Variants in MAST2 observed in about 807,000 individuals in gnomAD.
The protein encoded by MAST2 is microtubule associated serine/threonine kinase 2, also known as microtubule-associated serine/threonine-protein kinase 2.
A neutral mutation model predicts 147.4 loss-of-function variants in MAST2; 70 were observed. That is an observed-to-expected ratio of 0.47 (90% CI 0.39 to 0.58). The LOEUF is 0.58. Ranked by LOEUF, MAST2 falls within the 20% of genes least tolerant of loss-of-function variation. MAST2 has a pLI of 0.00. For missense variants in MAST2, 2,080 were observed against 2,302.3 expected (o/e 0.90, Z 1.98); for synonymous variants, 869 against 896.8 (o/e 0.97, Z 0.55).
In MAST2 at chr1:46,034,168, C is replaced by A; in HGVS notation, c.3770C>A (p.Ser1257Ter). The A allele has an allele frequency of 1.2e-6, 2 of 1,614,150 alleles. No individual in the cohort carries two copies. The highest frequency in any genetic ancestry group is 1.7e-6 in the Non-Finnish European group (2 of 1,180,010). The change falls in exon 28 of 29, where the codon TCA (serine) becomes TAA (stop). Residue 1257 changes from serine to a stop codon, truncating the protein, a stop_gained. Coordinates refer to ENST00000361297, the MANE Select transcript of MAST2 (RefSeq NM_015112.3). LOFTEE classifies it high-confidence loss of function. ...TCTTCCCTTAACCGCTCCTTGTCAT[C>A]AGGGGAGAGTGGGCCAGGCTCTCCC... ...SLSSLNRSLS[S>*]GESGPGSPTH...
In MAST2 at chr1:45,933,063, T is replaced by TAAAAAAAA. The variant is rs61544126; in HGVS notation, c.501-26305_501-26298dup. On this transcript the variant is annotated intron_variant, in intron 4 of 28. Transcript: ENST00000361297. ...GCAACTTAGTGAGACCCCATTTCTT[T>TAAAAAAAA]AAAAAAAAAAAAAAAAAAAAAAAAA... Among the ~76,000 whole-genome samples, 9 of 88,254 alleles carry TAAAAAAAA rather than the reference T, an allele frequency of 1.0e-4. 1 individual carries two copies. The highest frequency in any genetic ancestry group is 4.1e-4 in the African/African-American group (9 of 21,946). The allele number at this position is 88,254 out of a possible 152,430, so 57.9% of individuals were successfully genotyped here.
Position 46,010,904 on chromosome 1 carries a change from G to T in MAST2, c.1153G>T (p.Glu385Ter). The T allele has an allele frequency of 6.2e-7, 1 of 1,614,146 alleles. No individual in the cohort carries two copies. The highest frequency in any genetic ancestry group is 1.1e-5 in the South Asian group (1 of 91,074). The change falls in exon 10 of 29, where the codon GAA (glutamate) becomes TAA (stop). Residue 385 changes from glutamate (E) to a stop codon, truncating the protein, a stop_gained. Transcript: ENST00000361297. LOFTEE classifies it high-confidence loss of function. ...SGLITSQYFY[E>*]LQDNLEKLLQ... ...CCTCATTACATCACAATACTTCTACGAACTTCAAGATAATTTGGAGAAACT... is the reference window on the plus strand; with the variant it reads ...CCTCATTACATCACAATACTTCTACTAACTTCAAGATAATTTGGAGAAACT...
intron 3 of MAST2, among the ~76,000 whole-genome samples, chr1:45,864,310 G>T (rs1646072903): frequency 6.6e-6 from 1 of 152,164 alleles, no homozygotes; most frequent in South Asian, 2.1e-4. Context: ...ATTTGTCCAT[G>T]CTCAGAACTC....
chr1:45,808,874 G>A (rs1644213942), intron 1 of MAST2, among the ~76,000 whole-genome samples: 1 of 151,960 alleles, frequency 6.6e-6, no homozygotes, highest in African/African-American at 2.4e-5. Context: ...TGGCATTCAA[G>A]ATCTACTTGA....
intron 10 of MAST2, among the ~76,000 whole-genome samples, chr1:46,016,335 A>G (rs1257146304): frequency 4.6e-5 from 7 of 151,804 alleles, no homozygotes; most frequent in Non-Finnish European, 1.0e-4. Flanking sequence ...GGCCAGGGCA[A>G]TGAGGCAGGA....
In MAST2 at chr1:46,033,842, A is replaced by C; in HGVS notation, c.3578A>C (p.Asn1193Thr). 6.2e-7 allele frequency: 1 copy of C among 1,614,210 alleles called. No homozygotes were observed. The highest frequency in any genetic ancestry group is 1.3e-5 in the African/African-American group (1 of 75,060). ...KVAISTTPLE[N>T]TSIKVGPARK... ...GCCATTTCAACAACTCCCCTGGAGA[A>C]CACATCCATTAAAGTGGGGCCAGCT... Residue 1193 changes from asparagine to threonine, a missense_variant, in exon 27 of 29, where the codon AAC (asparagine) becomes ACC (threonine). Transcript: ENST00000361297.
At chr1:45,984,895 T>C (rs1644551725) in intron 5 of MAST2, among the ~76,000 whole-genome samples, 1 of 152,076 alleles carries the variant, frequency 6.6e-6, no homozygotes, top group Non-Finnish European at 1.5e-5. Context: ...TACATAAATA[T>C]GAGCTATCTT....
intron 2 of MAST2, among the ~76,000 whole-genome samples, chr1:45,825,776 A>G (rs1644773014): frequency 6.6e-6 from 1 of 150,910 alleles, no homozygotes; most frequent in South Asian, 2.1e-4. Context: ...AGTAAATTAG[A>G]TTTTTTATTT....
chr1:45,965,679 G>T (rs1661083781), intron 5 of MAST2, among the ~76,000 whole-genome samples: 1 of 151,774 alleles, frequency 6.6e-6, no homozygotes, highest in South Asian at 2.1e-4. Context: ...AGTTCAGTAG[G>T]TACATACCCA....
At chr1:45,957,340 C>T (rs1295193139) in intron 4 of MAST2, among the ~76,000 whole-genome samples, 3 of 152,256 alleles carry the variant, frequency 2.0e-5, no homozygotes, top group Middle Eastern at 3.4e-3. Flanking sequence ...TTTGTAGTTT[C>T]GGGCTTTCAC....
intron 1 of MAST2, among the ~76,000 whole-genome samples, chr1:45,805,495 A>G (rs1479992683): frequency 6.6e-6 from 1 of 152,046 alleles, no homozygotes; most frequent in African/African-American, 2.4e-5. Context: ...TTACTCCCCC[A>G]TGTGCCTAAT....
intron 16 of MAST2, 81 bp from the exon 17 acceptor site, chr1:46,027,650 G>T (rs572481969): frequency 5.7e-5 from 84 of 1,471,052 alleles, no homozygotes; most frequent in Middle Eastern, 2.1e-4. Context: ...AAGCCTGAGT[G>T]GGGAAACTGG....
chr1:45,902,706 C>T (rs995280120), intron 4 of MAST2, among the ~76,000 whole-genome samples: 1 of 151,424 alleles, frequency 6.6e-6, no homozygotes, highest in African/African-American at 2.4e-5. Context: ...CTGGTTCATT[C>T]TTAAGAGTTT....
At chr1:45,817,788 A>C (rs1440672540) in intron 1 of MAST2, among the ~76,000 whole-genome samples, 1 of 152,236 alleles carries the variant, frequency 6.6e-6, no homozygotes, top group Non-Finnish European at 1.5e-5. Context: ...GTATGGTATT[A>C]GGTTGTTGCA....
At chr1:45,804,157 C>G in intron 1 of MAST2, 85 bp downstream of exon 1, 1 of 1,240,818 alleles carries the variant, frequency 8.1e-7, no homozygotes, top group Non-Finnish European at 1.0e-6. Context: ...CGGGCTGGAG[C>G]TTTGGAGGGG....
chr1:45,932,022 G>C (rs922073187), intron 4 of MAST2, among the ~76,000 whole-genome samples: 22 of 152,196 alleles, frequency 1.4e-4, no homozygotes, highest in African/African-American at 5.1e-4. Flanking sequence ...GTCCTGTTAG[G>C]TGATACAGGC....
intron 3 of MAST2, among the ~76,000 whole-genome samples, chr1:45,848,927 A>G (rs1645531215): frequency 6.6e-6 from 1 of 152,194 alleles, no homozygotes; most frequent in South Asian, 2.1e-4. Flanking sequence ...TAGCATTCCT[A>G]TCCACCAACA....
intron 3 of MAST2, chr1:45,847,075 TA>T: frequency 4.4e-6 from 2 of 454,476 alleles, no homozygotes; most frequent in South Asian, 1.8e-5. Flanking sequence ...TCTGTAGTTA[TA>T]ATAGTTTTCC....
intron 3 of MAST2, among the ~76,000 whole-genome samples, chr1:45,838,805 C>A (rs1435827634): frequency 6.9e-6 from 1 of 144,124 alleles, no homozygotes; most frequent in Non-Finnish European, 1.6e-5. Flanking sequence ...ACTTAAAAAT[C>A]AGGACTGTTT....
Sources: gnomAD v4.1 joint callset for allele counts (sites outside exome capture counted in the v4.1 genomes callset) on GRCh38, gnomAD v4.1.1 for gene constraint, MANE v1.5 for transcripts, NCBI Gene and HGNC (gene_info 2026-07-23, HGNC 2026-07-21) for gene names.